TNRC6A: variants seen among roughly 807,000 people sequenced by gnomAD.
TNRC6A encodes the protein trinucleotide repeat-containing gene 6A protein.
A neutral mutation model predicts 221.2 loss-of-function variants in TNRC6A; 44 were observed. The observed-to-expected ratio is 0.20, with a 90% CI of 0.16 to 0.26. TNRC6A has a LOEUF of 0.26. Ranked by LOEUF, TNRC6A falls within the 10% of genes least tolerant of loss-of-function variation. The pLI, the probability that TNRC6A is intolerant of heterozygous loss-of-function variation, is 1.00. For synonymous variants in TNRC6A, 847 were observed against 838.5 expected (o/e 1.01, Z -0.18); for missense variants, 2,199 against 2,404.4 (o/e 0.91, Z 1.79).
chr16:24,820,901 A>G (rs1490486019), intron 22 of TNRC6A, among the ~76,000 whole-genome samples: 1 of 152,142 alleles, frequency 6.6e-6, no homozygotes, highest in Non-Finnish European at 1.5e-5. Flanking sequence ...CACACCATAC[A>G]TATACACACA....
At chr16:24,744,882 T>C (rs930632277) in intron 2 of TNRC6A, among the ~76,000 whole-genome samples, 2 of 152,206 alleles carry the variant, frequency 1.3e-5, no homozygotes, top group African/African-American at 4.8e-5. Flanking sequence ...TATATATTCA[T>C]ATCCCTCCCA....
chr16:24,822,739 A>G (rs2058791511), intron 23 of TNRC6A, 135 bp from the exon 24 acceptor site: 1 of 1,235,916 alleles, frequency 8.1e-7, no homozygotes, highest in Non-Finnish European at 1.1e-6. Flanking sequence ...GAGCAACGTC[A>G]GAGTGTCAGT....
Position 24,804,203 on chromosome 16 carries a change from A to T in TNRC6A, c.3721A>T (p.Ile1241Leu). The part of the protein sequence containing the change: ...GGMLQDKRME[I>L]DKHSLNIGDY... ...AATGTTACAAGACAAACGAATGGAGATAGATAAACATAGCCTAAATATTGG... is the reference window on the plus strand; with the variant it reads ...AATGTTACAAGACAAACGAATGGAGTTAGATAAACATAGCCTAAATATTGG... The change falls in exon 12 of 25, where the codon ATA (isoleucine) becomes TTA (leucine). Residue 1241 changes from isoleucine to leucine, a missense_variant. By Grantham distance (5) the Ile-to-Leu change is conservative. Coordinates refer to ENST00000395799, the MANE Select transcript of TNRC6A (RefSeq NM_014494.4). The T allele has an allele frequency of 1.2e-6, 2 of 1,611,196 alleles. No homozygotes were observed. Among genetic ancestry groups the T allele is most frequent in the Non-Finnish European group, 1.7e-6 (2 of 1,179,424 alleles).
rs149327328 is a variant in TNRC6A at position 24,667,672 on chromosome 16, T to C, written n.402+26663T>C. ...ACCTACCCCCCAGTTGTTATGAAGA[T>C]TCAATGACTAGCGCATAGTTAGTGC... is the stretch of plus-strand genomic sequence containing the variant. On this transcript the variant is annotated intron_variant and non_coding_transcript_variant, in intron 2 of 2. Transcript: ENST00000566108. Among the ~76,000 whole-genome samples the C allele has an allele frequency of 5.7e-3, 867 of 152,306 alleles. 9 individuals carry two copies. Among genetic ancestry groups the C allele is most frequent in the African/African-American group, 0.019 (795 of 41,582 alleles).
At chr16:24,613,866 T>C (rs1375470835) in intron 1 of TNRC6A, among the ~76,000 whole-genome samples, 1 of 152,118 alleles carries the variant, frequency 6.6e-6, no homozygotes, top group East Asian at 1.9e-4. Flanking sequence ...GGAAGGAGCA[T>C]ACTTGGATTT....
rs1555495638 is a variant in TNRC6A, at chr16:24,729,687, G to GCGGCGGCGGTGT, written c.-146_-145insTGTCGGCGGCGG. 40 of 266,534 alleles carry GCGGCGGCGGTGT rather than the reference G, an allele frequency of 1.5e-4. No homozygotes were observed. Among genetic ancestry groups the GCGGCGGCGGTGT allele is most frequent in the South Asian group, 7.3e-4 (6 of 8,222 alleles). The allele number at this position is 266,534 out of a possible 1,614,324, so 16.5% of individuals were successfully genotyped here. On this transcript the variant is annotated 5_prime_UTR_variant, in exon 1 of 25. Coordinates refer to ENST00000395799, the MANE Select transcript of TNRC6A (RefSeq NM_014494.4). ...GGGGCCTGCGGCGGCGGCGGTGTCG[G>GCGGCGGCGGTGT]CGGCGGCGGCGGCGGCGGCGGCGGC...
chr16:24,664,054 G>T, intron 2 of TNRC6A: 1 of 426,916 alleles, frequency 2.3e-6, no homozygotes, highest in Non-Finnish European at 4.8e-6. Context: ...GGCTGGGAGT[G>T]GTGGCTCATA....
At position 24,790,376 on chromosome 16, in the gene TNRC6A, A is replaced by G; in HGVS notation, c.1734A>G (p.Ala578=). 2 of 1,614,242 alleles carry G rather than the reference A, an allele frequency of 1.2e-6. No individual in the cohort carries two copies. The highest frequency in any genetic ancestry group is 2.2e-5 in the South Asian group (2 of 91,088). Residue 578 remains alanine, a synonymous_variant, in exon 6 of 25, where the codon GCA becomes GCG. Transcript: ENST00000395799. ...GAGGTGGTGTGTGGGAATCTGGTGC[A>G]GCAAACTCCCAGAGTACATCATGGG... ...NKGGGVWESG[A]ANSQSTSWGS...
chr16:24,680,171 G>A (rs143177269), intron 2 of TNRC6A, among the ~76,000 whole-genome samples: 208 of 151,914 alleles, frequency 1.4e-3, no homozygotes, highest in African/African-American at 4.8e-3. Context: ...GTTCTTTCCT[G>A]TTACCCTAGC....
At chr16:24,721,187 T>A (rs115353094) in intron 2 of TNRC6A, among the ~76,000 whole-genome samples, 1,624 of 152,334 alleles carry the variant, frequency 0.011, 36 homozygotes, top group African/African-American at 0.037. Context: ...ATTTTAGACA[T>A]GTTTTCTAGT....
chr16:24,729,827 G>A lies in TNRC6A; in HGVS notation c.-15G>A. On this transcript the variant is annotated 5_prime_UTR_variant, in exon 1 of 25. It adds an upstream start codon to the 5' untranslated region. Transcript: ENST00000395799. Reference sequence around the variant, plus strand: ...CTCCTTCGCCGCGCCCCACTTGCTCGTGCACTTTACACACATGAGGTGAGC... The same window carrying A: ...CTCCTTCGCCGCGCCCCACTTGCTCATGCACTTTACACACATGAGGTGAGC... 2.1e-6 allele frequency: 3 copies of A among 1,403,790 alleles called. No individual in the cohort carries two copies. The highest frequency in any genetic ancestry group is 3.1e-5 in the South Asian group (2 of 63,940). 87.0% of individuals were successfully genotyped at this position (1,403,790 alleles called of 1,614,324 possible).
At chr16:24,732,235 C>G (rs957907310) in intron 2 of TNRC6A, among the ~76,000 whole-genome samples, 4 of 152,200 alleles carry the variant, frequency 2.6e-5, no homozygotes, top group Admixed American at 2.6e-4. Flanking sequence ...TCCTTCATCT[C>G]CATCTCTAGC....
At chr16:24,815,715 CGTG>C (rs938398489) in intron 19 of TNRC6A, 1 of 191,318 alleles carries the variant, frequency 5.2e-6, no homozygotes, top group African/African-American at 2.3e-5. Context: ...ATTAGCCAGG[CGTG>C]GTGGCGGGCG....
chr16:24,778,449 A>G (rs1425849166), intron 5 of TNRC6A: 19 of 985,376 alleles, frequency 1.9e-5, no homozygotes, highest in Non-Finnish European at 2.2e-5. Context: ...GTGATTGGTA[A>G]TGAGGAAGAG....
chr16:24,639,665 A>G lies in TNRC6A; in HGVS notation n.277-1219A>G, dbSNP rs180858747. 1.9e-3 allele frequency among the ~76,000 whole-genome samples: 293 copies of G among 152,266 alleles called. 1 individual carries two copies. The highest frequency in any genetic ancestry group is 5.9e-3 in the African/African-American group (245 of 41,550). On this transcript the variant is annotated intron_variant and non_coding_transcript_variant, in intron 1 of 2. Coordinates refer to the TNRC6A transcript ENST00000566108. ...GCTTTTTTTGTTTTCTTTCTGAGACAGGGTCTCGCTCTATCGCCCAGGCTT... is the reference window on the plus strand; with the variant it reads ...GCTTTTTTTGTTTTCTTTCTGAGACGGGGTCTCGCTCTATCGCCCAGGCTT...
chr16:24,797,934 A>AT lies in TNRC6A; in HGVS notation c.3663dup (p.Val1222CysfsTer5), dbSNP rs1389277332. ...CTTCAGAGAGACTCACCAGAGGAAA[A>AT]TGTACAAAGCAATAAGATGGACCTT... On this transcript the variant is annotated frameshift_variant, in exon 11 of 25. Transcript: ENST00000395799. LOFTEE classifies it high-confidence loss of function. The AT allele has an allele frequency of 2.0e-5, 33 of 1,611,248 alleles. No homozygotes were observed. Among genetic ancestry groups the AT allele is most frequent in the Non-Finnish European group, 2.8e-5 (33 of 1,178,648 alleles).
intron 1 of TNRC6A, among the ~76,000 whole-genome samples, chr16:24,615,692 G>A (rs566927131): frequency 9.9e-5 from 15 of 152,278 alleles, no homozygotes; most frequent in African/African-American, 3.6e-4. Context: ...GTGAGCAGAG[G>A]GTTGCTGGGC....
intron 2 of TNRC6A, among the ~76,000 whole-genome samples, chr16:24,652,520 TCAG>T (rs1437192134): frequency 1.3e-5 from 2 of 152,182 alleles, no homozygotes; most frequent in African/African-American, 4.8e-5. Context: ...CCTCCAGACC[TCAG>T]CACCGATTGG....
At chr16:24,775,809 C>T (rs1476885761) in intron 4 of TNRC6A, among the ~76,000 whole-genome samples, 1 of 152,138 alleles carries the variant, frequency 6.6e-6, no homozygotes, top group Non-Finnish European at 1.5e-5. Flanking sequence ...TCTGAGTGCC[C>T]TCACCAGTAA....
Sources: allele counts gnomAD v4.1 joint callset (sites outside exome capture counted in the v4.1 genomes callset), GRCh38; gene constraint gnomAD v4.1.1; transcripts MANE v1.5; gene names NCBI Gene and HGNC (gene_info 2026-07-23, HGNC 2026-07-21).